Variants in MRPL38 observed in about 807,000 individuals in gnomAD.
MRPL38 encodes the protein large ribosomal subunit protein mL38.
A neutral mutation model predicts 52.1 loss-of-function variants in MRPL38; 51 were observed. That is an observed-to-expected ratio of 0.98 (90% CI 0.78 to 1.24). MRPL38 has a LOEUF of 1.24. MRPL38 is among the 50% of genes most tolerant of loss of function. MRPL38 has a pLI of 0.00. For synonymous variants in MRPL38, 245 were observed against 212.7 expected, an observed-to-expected ratio of 1.15 and a Z score of -1.32; for missense variants, 527 against 518.6, an observed-to-expected ratio of 1.02 and a Z score of -0.16.
rs143159098 is a variant in MRPL38, at chr17:75,904,826, C to T, written c.50G>A (p.Arg17Gln). ...RAALCECRRWRGFSTSAVLGR... is the reference protein window; with the variant it reads ...RAALCECRRWQGFSTSAVLGR... ...CCCCTCACCCGAGGTGCTGAAGCCC[C>T]GCCATCTCCGACACTCGCACAGCGC... Residue 17 changes from arginine to glutamine, a missense_variant, in exon 1 of 9, where the codon CGG becomes CAG. Transcript: ENST00000309352. The T allele has an allele frequency of 0.017, 26,151 of 1,526,190 alleles. 273 individuals carry two copies. The highest frequency in any genetic ancestry group is 0.025 in the South Asian group (2,089 of 83,198). 94.5% of individuals were successfully genotyped at this position (1,526,190 alleles called of 1,614,324 possible). A position where few individuals can be genotyped will look rare whatever the true frequency, so the allele number is the denominator to read the frequency against.
chr17:75,904,769 A>AGGGGGGGGGG, intron 1 of MRPL38, 40 bp downstream of exon 1: 6 of 454,464 alleles, frequency 1.3e-5, no homozygotes, highest in East Asian at 7.3e-5. Flanking sequence ...CTCGGGCGAC[A>AGGGGGGGGGG]GCCCCCCCCC....
intron 8 of MRPL38, 43 bp from the exon 9 acceptor site, chr17:75,899,029 GC>G: frequency 1.3e-6 from 2 of 1,545,198 alleles, no homozygotes; most frequent in South Asian, 1.2e-5. Flanking sequence ...GCTGGCCTGC[GC>G]CCCCTCAGGC....
rs763381185 is a variant in MRPL38, at chr17:75,898,902, C to T, written c.1091G>A (p.Arg364His). Residue 364 changes from arginine to histidine, a missense_variant, in exon 9 of 9, where the codon CGC becomes CAC. Arg to His is a conservative substitution (Grantham distance 29, BLOSUM62 0). Transcript: ENST00000309352. ...QKRFPHRQPL[R>H]YLDRYRDSHE... is the part of the protein sequence containing the mutation. ...ACTGTCCCTGTACCGGTCCAGGTAG[C>T]GCAGGGGCTGCCGGTGGGGGAAGCG... 64 of 1,611,252 alleles carry T rather than the reference C, an allele frequency of 4.0e-5. No individual in the cohort carries two copies. The highest frequency in any genetic ancestry group is 5.1e-5 in the Non-Finnish European group (60 of 1,179,314).
At position 75,899,513 on chromosome 17, in the gene MRPL38, T is replaced by G; in HGVS notation, c.869+3A>C. On this transcript the variant is annotated splice_donor_region_variant and intron_variant, in intron 7 of 8. Coordinates refer to ENST00000309352, the MANE Select transcript of MRPL38 (RefSeq NM_032478.4). ...CGGGTTATGTGTGGGTGGTGTAGAT[T>G]ACCAGGGTGAGGGGCGTGCGTCCTC... is the stretch of plus-strand genomic sequence containing the variant. 4 of 1,573,312 alleles carry G rather than the reference T, an allele frequency of 2.5e-6. No homozygotes were observed.
intron 6 of MRPL38, chr17:75,900,759 C>T (rs2065400243): frequency 2.2e-6 from 3 of 1,337,384 alleles, no homozygotes; most frequent in Admixed American, 3.5e-5. Flanking sequence ...GATGAGGAGG[C>T]TTGTGGGGAC....
intron 6 of MRPL38, chr17:75,899,980 A>C: frequency 4.5e-6 from 1 of 220,532 alleles, no homozygotes; most frequent in Non-Finnish European, 8.9e-6. Context: ...TGAGGCTAGA[A>C]AGCCAGGCCA....
chr17:75,899,469 A>C (rs1346137450), intron 7 of MRPL38, 47 bp downstream of exon 7: 1 of 1,545,566 alleles, frequency 6.5e-7, no homozygotes, highest in Non-Finnish European at 8.8e-7. Context: ...TGACCGTTCC[A>C]GGGGAGCTGG....
Position 75,904,599 on chromosome 17 carries a change from T to G in MRPL38, c.188A>C (p.Gln63Pro), listed in dbSNP as rs1199975886. ...SFDRYRRRAE[Q>P]EAQAPHWWRT... is the part of the protein sequence containing the mutation. ...CCACCAGTGCGGGGCCTGCGCCTCC[T>G]GCTCTGCTCGGCGCCGGTAGCGGTC... Residue 63 changes from glutamine (Q) to proline (P), a missense_variant, in exon 2 of 9, where the codon CAG becomes CCG. Physicochemically the swap from Gln to Pro is moderately conservative, Grantham distance 76. Coordinates refer to ENST00000309352, the MANE Select transcript of MRPL38 (RefSeq NM_032478.4). 2 of 1,592,276 alleles carry G rather than the reference T, an allele frequency of 1.3e-6. No individual in the cohort carries two copies. Among genetic ancestry groups the G allele is most frequent in the Non-Finnish European group, 1.7e-6 (2 of 1,176,530 alleles).
chr17:75,899,141 A>G lies in MRPL38; in HGVS notation c.1006+17T>C. The G allele has an allele frequency of 6.3e-7, 1 of 1,593,692 alleles. No individual in the cohort carries two copies. The highest frequency in any genetic ancestry group is 1.3e-5 in the African/African-American group (1 of 74,642). On this transcript the variant is annotated intron_variant, in intron 8 of 8. Transcript: ENST00000309352. ...GGAGCTCAGGCCCACCCAGTGCCCC[A>G]GCCCCATGGCCCTTACCCAGAAGCT...
In MRPL38 at chr17:75,901,837, C is replaced by CACAG; in HGVS notation, c.465_466insCTGT (p.Gly156LeufsTer27). On this transcript the variant is annotated frameshift_variant, in exon 4 of 9. Transcript: ENST00000309352. LOFTEE classifies it high-confidence loss of function. The surrounding 1 kb of genome is among the most constrained non-coding windows in gnomAD (Gnocchi z 5.7). The stretch of plus-strand genomic sequence containing the variant: ...CCGTGGAACAGGTCTCGGTAGAGGC[C>CACAG]GTAATACTCAGCCAGACGCTGCTTG... 6.2e-7 allele frequency: 1 copy of CACAG among 1,613,248 alleles called. No homozygotes were observed. The highest frequency in any genetic ancestry group is 1.1e-5 in the South Asian group (1 of 91,066).
chr17:75,904,770 G>GGGCCCCCCCC, intron 1 of MRPL38, 39 bp downstream of exon 1: 12 of 500,000 alleles, frequency 2.4e-5, no homozygotes, highest in Non-Finnish European at 2.8e-5. Flanking sequence ...TCGGGCGACA[G>GGGCCCCCCCC]CCCCCCCCCC....
intron 6 of MRPL38, 126 bp from the exon 7 acceptor site, chr17:75,899,800 T>A: frequency 1.2e-6 from 1 of 815,248 alleles, no homozygotes; most frequent in Non-Finnish European, 1.7e-6. Context: ...ATCTCTCTCC[T>A]GGGACAGAGG....
chr17:75,904,777 C>G lies in MRPL38; in HGVS notation c.67+32G>C, dbSNP rs760083691. Reference sequence around the variant, plus strand: ...CCCACAGCTCGGGCGACAGCCCCCCCCCCCCCCCCCGCAGAGCTGCCCACC... The same window carrying G: ...CCCACAGCTCGGGCGACAGCCCCCCGCCCCCCCCCCGCAGAGCTGCCCACC... On this transcript the variant is annotated intron_variant, in intron 1 of 8. Coordinates refer to ENST00000309352, the MANE Select transcript of MRPL38 (RefSeq NM_032478.4). 1.8e-5 allele frequency: 15 copies of G among 820,100 alleles called. No individual in the cohort carries two copies. In the Admixed American group the frequency reaches 3.4e-4, roughly 19 times the overall value. The allele number at this position is 820,100 out of a possible 1,614,324, so 50.8% of individuals were successfully genotyped here.
intron 1 of MRPL38, 40 bp downstream of exon 1, chr17:75,904,769 A>AGGGGGGGGGGGGGG: frequency 4.4e-6 from 2 of 454,466 alleles, no homozygotes; most frequent in Non-Finnish European, 6.7e-6. Context: ...CTCGGGCGAC[A>AGGGGGGGGGGGGGG]GCCCCCCCCC....
intron 2 of MRPL38, 84 bp downstream of exon 2, chr17:75,904,456 G>C (rs114755328): frequency 1.4e-6 from 2 of 1,398,986 alleles, no homozygotes; most frequent in Non-Finnish European, 1.9e-6. Flanking sequence ...CGCCGGCAAG[G>C]CTCGCCCAGC....
intron 2 of MRPL38, chr17:75,904,324 G>A (rs779248456): frequency 7.0e-6 from 5 of 710,348 alleles, no homozygotes; most frequent in South Asian, 4.5e-5. Flanking sequence ...CTAATAGTAG[G>A]GGGAGCGAAT....
At position 75,901,545 on chromosome 17, in the gene MRPL38, TC is replaced by T. The variant is rs57023233; in HGVS notation, c.591+166del. On this transcript the variant is annotated intron_variant, in intron 4 of 8. Coordinates refer to ENST00000309352, the MANE Select transcript of MRPL38 (RefSeq NM_032478.4). The surrounding 1 kb of genome is among the most constrained non-coding windows in gnomAD (Gnocchi z 5.7). The stretch of plus-strand genomic sequence containing the variant: ...AATGTGCTAAGACAGAGCCTCTTTT[TC>T]CTTCATTTTGTTCTATTTTCTTTGA... 2,487 of 692,846 alleles carry T rather than the reference TC, an allele frequency of 3.6e-3. 28 individuals are homozygous for T. Among genetic ancestry groups the T allele is most frequent in the African/African-American group, 0.024 (1,325 of 56,094 alleles). The allele number at this position is 692,846 out of a possible 1,614,324, so 42.9% of individuals were successfully genotyped here.
At chr17:75,899,388 G>A in intron 7 of MRPL38, 94 bp from the exon 8 acceptor site, 6 of 1,527,240 alleles carry the variant, frequency 3.9e-6, no homozygotes, top group Non-Finnish European at 5.3e-6. Context: ...AGGCCCCTGG[G>A]AGTCTGCTAG....
In MRPL38 at chr17:75,901,788, G is replaced by A; in HGVS notation, c.515C>T (p.Pro172Leu). 6.2e-7 allele frequency: 1 copy of A among 1,613,758 alleles called. No homozygotes were observed. Among genetic ancestry groups the A allele is most frequent in the South Asian group, 1.1e-5 (1 of 91,070 alleles). Residue 172 changes from proline to leucine, a missense_variant, in exon 4 of 9, where the codon CCC becomes CTC. Coordinates refer to ENST00000309352, the MANE Select transcript of MRPL38 (RefSeq NM_032478.4). The surrounding 1 kb of genome is among the most constrained non-coding windows in gnomAD (Gnocchi z 5.7). ...ACCCACAGCGTAGGCCACGTGCAGG[G>A]GGACTCGGGGCACAAAGGTGGCACC... Reference protein sequence around the residue: ...FHGATFVPRVPLHVAYAVGED... With the variant: ...FHGATFVPRVLLHVAYAVGED...
Sources: gnomAD v4.1 joint callset for allele counts on GRCh38, gnomAD v4.1.1 for gene constraint, Gnocchi (gnomAD v3.1) non-coding constraint, MANE v1.5 for transcripts, NCBI Gene and HGNC (gene_info 2026-07-23, HGNC 2026-07-21) for gene names.